TYW1: variants seen among roughly 807,000 people sequenced by gnomAD.
The protein encoded by TYW1 is S-adenosyl-L-methionine-dependent tRNA 4-demethylwyosine synthase TYW1.
TYW1 carries 46 observed loss-of-function variants against 96.2 expected under a neutral mutation model. That is an observed-to-expected ratio of 0.48 (90% CI 0.38 to 0.61). The LOEUF is 0.61. Ranked by LOEUF, TYW1 falls within the 20% of genes least tolerant of loss-of-function variation. The pLI is 0.00. For synonymous variants in TYW1, 274 were observed against 323.0 expected, an observed-to-expected ratio of 0.85 and a Z score of 1.63; for missense variants, 684 against 909.6, an observed-to-expected ratio of 0.75 and a Z score of 3.19.
intron 12 of TYW1, among the ~76,000 whole-genome samples, chr7:67,110,741 T>A (rs116964904): frequency 0.029 from 4,441 of 152,270 alleles, 99 homozygotes; most frequent in Middle Eastern, 0.1. Flanking sequence ...TGGTGGCTCA[T>A]GTCTGTCATT....
At chr7:67,072,945 T>TG (rs1796075501) in intron 10 of TYW1, among the ~76,000 whole-genome samples, 4 of 113,946 alleles carry the variant, frequency 3.5e-5, no homozygotes, top group African/African-American at 9.3e-5. Flanking sequence ...TTTTTTTTTT[T>TG]TTTTTTTTTT....
At chr7:67,236,829 T>TC (rs1801904144) in intron 15 of TYW1, among the ~76,000 whole-genome samples, 1 of 81,560 alleles carries the variant, frequency 1.2e-5, no homozygotes, top group South Asian at 4.1e-4. Context: ...ATTTTCTTTC[T>TC]TTTTTTTGTG....
chr7:67,133,667 T>C (rs2690150), intron 13 of TYW1, among the ~76,000 whole-genome samples: 4,295 of 102,552 alleles, frequency 0.042, 633 homozygotes, highest in African/African-American at 0.15. Context: ...TGTGAGCCAC[T>C]GTGCCTGGCC....
chr7:67,024,662 T>G (rs529379601), intron 6 of TYW1, among the ~76,000 whole-genome samples: 1 of 151,996 alleles, frequency 6.6e-6, no homozygotes, highest in East Asian at 1.9e-4. Context: ...GCGCCTGTGA[T>G]CCTAGCTACT....
At chr7:67,069,789 G>A (rs1795977833) in intron 10 of TYW1, among the ~76,000 whole-genome samples, 1 of 152,082 alleles carries the variant, frequency 6.6e-6, no homozygotes, top group African/African-American at 2.4e-5. Context: ...AAATACAACA[G>A]TGGTGACTTT....
Position 67,015,019 on chromosome 7 carries a change from T to G in TYW1, c.570+458T>G, listed in dbSNP as rs79415269. 2.0e-5 allele frequency among the ~76,000 whole-genome samples: 3 copies of G among 151,572 alleles called. No homozygotes were observed. The East Asian group carries it at 5.8e-4, about 29-fold the overall frequency. ...CCGGCCTCTTCTGTTTTTTTTTTTT[T>G]GGAAACAGAGTCTTGCTCTAATCCC... On this transcript the variant is annotated intron_variant, in intron 5 of 15. Coordinates refer to ENST00000359626, the MANE Select transcript of TYW1 (RefSeq NM_018264.4).
At chr7:67,102,377 C>T (rs1256041950) in intron 12 of TYW1, among the ~76,000 whole-genome samples, 4 of 152,112 alleles carry the variant, frequency 2.6e-5, no homozygotes, top group Non-Finnish European at 4.4e-5. Flanking sequence ...TTGTGGAATA[C>T]GACAAGATGT....
chr7:67,013,883 A>C (rs1402870899), intron 4 of TYW1, among the ~76,000 whole-genome samples: 2 of 151,176 alleles, frequency 1.3e-5, no homozygotes, highest in Admixed American at 6.6e-5. Flanking sequence ...AGCTGGGACT[A>C]CAGGCACCCG....
At chr7:67,133,956 G>A (rs1462056368) in intron 13 of TYW1, among the ~76,000 whole-genome samples, 1 of 151,664 alleles carries the variant, frequency 6.6e-6, no homozygotes, top group African/African-American at 2.4e-5. Context: ...CTCATCCTGT[G>A]GAAAATAATA....
rs145338721 is a variant in TYW1, at chr7:67,175,459, C to G, written c.1699-7667C>G. 7.7e-4 allele frequency among the ~76,000 whole-genome samples: 118 copies of G among 152,344 alleles called. No homozygotes were observed. In the East Asian group the frequency reaches 0.018, roughly 24 times the overall value. On this transcript the variant is annotated intron_variant, in intron 13 of 15. Transcript: ENST00000359626. The stretch of plus-strand genomic sequence containing the variant: ...GTGCTGGGATTACAGGCATAAGCCA[C>G]TGCGTCCAGCCAGTTCAGAATATTT...
chr7:67,014,544 G>A lies in TYW1; in HGVS notation c.553G>A (p.Ala185Thr), dbSNP rs1793942393. Residue 185 changes from alanine to threonine, a missense_variant, in exon 5 of 16, where the codon GCT becomes ACT. Transcript: ENST00000359626. ...ATTTGGCCTGGGAAATTCTGCCTAT[G>A]CTAGCCACTTCAACAAGGTAGGTCT... ...AVFGLGNSAY[A>T]SHFNKVGKNV... The A allele has an allele frequency of 6.2e-7, 1 of 1,611,656 alleles. No homozygotes were observed. The highest frequency in any genetic ancestry group is 8.5e-7 in the Non-Finnish European group (1 of 1,178,896).
intron 3 of TYW1, among the ~76,000 whole-genome samples, chr7:67,003,963 G>T (rs185733697): frequency 6.3e-4 from 96 of 152,318 alleles, no homozygotes; most frequent in African/African-American, 2.2e-3. Context: ...AGAATCACTT[G>T]AACCCGGGAG....
At position 67,024,855 on chromosome 7, in the gene TYW1, C is replaced by T. The variant is rs983441880; in HGVS notation, c.862-45C>T. 3.7e-6 allele frequency: 6 copies of T among 1,608,646 alleles called. No homozygotes were observed. In the African/African-American group the frequency reaches 6.7e-5, roughly 18 times the overall value. ...GGGAGGGAGGGTAAGAGAGCTTTGC[C>T]TTTGCCCCTTTGAACAATGTATTTC... On this transcript the variant is annotated intron_variant, in intron 6 of 15. Coordinates refer to ENST00000359626, the MANE Select transcript of TYW1 (RefSeq NM_018264.4).
chr7:67,073,937 C>G (rs1220218632), intron 10 of TYW1, among the ~76,000 whole-genome samples: 8 of 151,292 alleles, frequency 5.3e-5, no homozygotes, highest in East Asian at 2.0e-4. Flanking sequence ...AAAACATTAG[C>G]CGGGCGTGGT....
intron 14 of TYW1, among the ~76,000 whole-genome samples, chr7:67,191,143 GAGAC>G (rs924467031): frequency 1.4e-4 from 22 of 152,318 alleles, no homozygotes; most frequent in African/African-American, 3.8e-4. Context: ...CAGAGAAAGA[GAGAC>G]AGACGGACGG....
At position 67,072,939 on chromosome 7, in the gene TYW1, T is replaced by A. The variant is rs1342568278; in HGVS notation, c.1274+5536T>A. ...TGTGCCACAATGCCTATCCAGTTTT[T>A]TTTTTTTTTTTTTTTTTTTTTTTTT... On this transcript the variant is annotated intron_variant, in intron 10 of 15. Coordinates refer to ENST00000359626, the MANE Select transcript of TYW1 (RefSeq NM_018264.4). Among the ~76,000 whole-genome samples the A allele has an allele frequency of 6.0e-4, 64 of 107,534 alleles. 1 individual carries two copies. The South Asian group carries it at 0.019, about 32-fold the overall frequency. The allele number at this position is 107,534 out of a possible 152,430, so 70.5% of individuals were successfully genotyped here. A position where few individuals can be genotyped will look rare whatever the true frequency, so the allele number is the denominator to read the frequency against.
At chr7:67,230,167 ACTTTTGCTCTCATTCAAAAG>A (rs1433627859) in intron 15 of TYW1, among the ~76,000 whole-genome samples, 3 of 151,690 alleles carry the variant, frequency 2.0e-5, no homozygotes, top group African/African-American at 7.3e-5. Flanking sequence ...CTTTTTTTGG[ACTTTTGCTCTCATTCAAAAG>A]ATAGGAATGT....
chr7:67,029,411 G>GTATATATATATATATA (rs1388432409), intron 7 of TYW1, among the ~76,000 whole-genome samples: 4 of 106,920 alleles, frequency 3.7e-5, no homozygotes, highest in African/African-American at 1.4e-4. Flanking sequence ...GTGTGTGTGT[G>GTATATATATATATATA]TGTGTATATA....
rs1255282117 is a variant in TYW1 at position 66,998,194 on chromosome 7, A to C, written c.134A>C (p.Gln45Pro). 1 of 1,591,808 alleles carries C rather than the reference A, an allele frequency of 6.3e-7. No homozygotes were observed. Among genetic ancestry groups the C allele is most frequent in the Admixed American group, 1.9e-5 (1 of 53,598 alleles). The change falls in exon 2 of 16, where the codon CAG becomes CCG. Residue 45 changes from glutamine (Q) to proline (P), a missense_variant and splice_region_variant. Transcript: ENST00000359626. Reference sequence around the variant, plus strand: ...TGTGTCCAGATTGTCATCAAGACGCAGGTAAGTGGAGTTATTTTTTTTTTA... The same window carrying C: ...TGTGTCCAGATTGTCATCAAGACGCCGGTAAGTGGAGTTATTTTTTTTTTA... ...WICVQIVIKTQGKNLQEKSVP... is the reference protein window; with the variant it reads ...WICVQIVIKTPGKNLQEKSVP...
Sources: gnomAD v4.1 joint callset for allele counts (sites outside exome capture counted in the v4.1 genomes callset) on GRCh38, gnomAD v4.1.1 for gene constraint, MANE v1.5 for transcripts, NCBI Gene and HGNC (gene_info 2026-07-23, HGNC 2026-07-21) for gene names.